The following RBFOX3 variants were observed in gnomAD, a reference collection of about 807,000 sequenced individuals.
The protein encoded by RBFOX3 is RNA binding fox-1 homolog 3, also known as RNA binding protein fox-1 homolog 3.
RBFOX3 carries 17 observed loss-of-function variants against 48.7 expected under a neutral mutation model. The ratio of observed to expected loss-of-function variants is 0.35; its 90% CI spans 0.24 to 0.52. RBFOX3 has a LOEUF of 0.52. RBFOX3 is among the 20% of genes least tolerant of loss of function. RBFOX3 has a pLI of 0.94. For missense variants in RBFOX3, 382 were observed against 497.5 expected, an observed-to-expected ratio of 0.77 and a Z score of 2.21; for synonymous variants, 212 against 209.5, an observed-to-expected ratio of 1.01 and a Z score of -0.10.
rs1471338607 is a variant in RBFOX3, at chr17:79,252,284, C to T, written c.-73-16479G>A. Among the ~76,000 whole-genome samples the T allele has an allele frequency of 1.1e-5, 1 of 92,128 alleles. No individual in the cohort carries two copies. Among genetic ancestry groups the T allele is most frequent in the African/African-American group, 2.7e-5 (1 of 36,872 alleles). The allele number at this position is 92,128 out of a possible 152,430, so 60.4% of individuals were successfully genotyped here. ...CACTCTAGCCGAGTTCCCTGTGGGT[C>T]CAACCTTTTGCTTCCCTTGATGTCT... On this transcript the variant is annotated intron_variant, in intron 3 of 14. Transcript: ENST00000693108. This position sits in a 1 kb window ranked among gnomAD's most constrained non-coding sequence, Gnocchi z 4.0.
chr17:79,435,175 A>T (rs1188805129), intron 2 of RBFOX3, among the ~76,000 whole-genome samples: 1 of 152,006 alleles, frequency 6.6e-6, no homozygotes, highest in Non-Finnish European at 1.5e-5. Flanking sequence ...GTGGACAGTG[A>T]GTTGTGCCCT....
intron 3 of RBFOX3, among the ~76,000 whole-genome samples, chr17:79,269,590 C>CG (rs2067309285): frequency 6.6e-6 from 1 of 151,454 alleles, no homozygotes; most frequent in African/African-American, 2.4e-5. Flanking sequence ...CCCTGGGGAT[C>CG]GTCCCATCCA....
intron 4 of RBFOX3, among the ~76,000 whole-genome samples, chr17:79,122,016 A>T (rs2035878955): frequency 6.6e-6 from 1 of 151,498 alleles, no homozygotes; most frequent in Non-Finnish European, 1.5e-5. Flanking sequence ...CCCCCATCAA[A>T]CCCATCTCTG....
Position 79,479,405 on chromosome 17 carries a change from C to G in RBFOX3, c.-175+3049G>C, listed in dbSNP as rs2078447531. Among the ~76,000 whole-genome samples the G allele has an allele frequency of 6.6e-6, 1 of 152,202 alleles. No homozygotes were observed. The highest frequency in any genetic ancestry group is 2.4e-5 in the African/African-American group (1 of 41,464). On this transcript the variant is annotated intron_variant, in intron 2 of 14. Coordinates refer to ENST00000693108, the MANE Select transcript of RBFOX3 (RefSeq NM_001350451.2). The surrounding 1 kb of genome is among the most constrained non-coding windows in gnomAD (Gnocchi z 5.1). ...GGTGAATAAAAGACAGGCAGAGATT[C>G]AAAGCCACACGCAGGCCTCAGACTG... is the stretch of plus-strand genomic sequence containing the variant.
In RBFOX3 at chr17:79,103,979, CGAAGCTCTCCAG is replaced by C; in HGVS notation, c.414+82_414+93del. Reference sequence around the variant, plus strand: ...CGTGTCGCTCAGGGGTCCTCGGGCGCGAAGCTCTCCAGGAAGGAAACGCACATTTCACACGTT... The same window carrying C: ...CGTGTCGCTCAGGGGTCCTCGGGCGCGAAGGAAACGCACATTTCACACGTT... On this transcript the variant is annotated intron_variant, in intron 7 of 14. Transcript: ENST00000693108. This position sits in a 1 kb window ranked among gnomAD's most constrained non-coding sequence, Gnocchi z 6.1. 2 of 1,146,236 alleles carry C rather than the reference CGAAGCTCTCCAG, an allele frequency of 1.7e-6. No individual in the cohort carries two copies. Among genetic ancestry groups the C allele is most frequent in the African/African-American group, 1.5e-5 (1 of 64,994 alleles). The allele number at this position is 1,146,236 out of a possible 1,614,324, so 71.0% of individuals were successfully genotyped here.
At chr17:79,496,399 G>A (rs1409033509) in intron 1 of RBFOX3, among the ~76,000 whole-genome samples, 1 of 152,056 alleles carries the variant, frequency 6.6e-6, no homozygotes, top group Non-Finnish European at 1.5e-5. Flanking sequence ...CCTCTCTCTA[G>A]GCCTAGCACA....
At chr17:79,239,125 A>G (rs2062005396) in intron 3 of RBFOX3, among the ~76,000 whole-genome samples, 1 of 152,116 alleles carries the variant, frequency 6.6e-6, no homozygotes, top group Non-Finnish European at 1.5e-5. Context: ...CATCCCTGGG[A>G]TGGTGCCTCG....
rs113639676 is a variant in RBFOX3, at chr17:79,255,694, C to T, written c.-73-19889G>A. ...GCCGGTGCTCAGCAGCAGCACTGGG[C>T]CTGGCCTCCCAGTCCAGCTGATCAC... is the stretch of plus-strand genomic sequence containing the variant. On this transcript the variant is annotated intron_variant, in intron 3 of 14. Transcript: ENST00000693108. Among the ~76,000 whole-genome samples, 384 of 152,152 alleles carry T rather than the reference C, an allele frequency of 2.5e-3. 1 individual carries two copies. Among genetic ancestry groups the T allele is most frequent in the African/African-American group, 9.0e-3 (374 of 41,514 alleles).
At chr17:79,591,264 C>T (rs1184291904) in intron 1 of RBFOX3, among the ~76,000 whole-genome samples, 2 of 152,176 alleles carry the variant, frequency 1.3e-5, no homozygotes, top group Non-Finnish European at 2.9e-5. Context: ...GGGGCCAAGG[C>T]TTCAGAAGTT....
chr17:79,353,158 G>A (rs72849650), intron 2 of RBFOX3, among the ~76,000 whole-genome samples: 2,860 of 152,290 alleles, frequency 0.019, 36 homozygotes, highest in Admixed American at 0.028. Context: ...GAACAACCTC[G>A]CCCTGAACAG....
At chr17:79,166,409 G>A (rs1449189015) in intron 4 of RBFOX3, among the ~76,000 whole-genome samples, 8 of 152,178 alleles carry the variant, frequency 5.3e-5, no homozygotes, top group African/African-American at 1.4e-4. Context: ...GGGAATGGCC[G>A]GAGGGGATGA....
At chr17:79,196,763 CAG>C (rs1248952899) in intron 4 of RBFOX3, among the ~76,000 whole-genome samples, 1 of 152,178 alleles carries the variant, frequency 6.6e-6, no homozygotes, top group African/African-American at 2.4e-5. Flanking sequence ...TCAGAAAGAG[CAG>C]AGAGTCTACA....
Position 79,535,895 on chromosome 17 carries a change from C to T in RBFOX3, c.-319-53297G>A, listed in dbSNP as rs1405121088. 6.6e-6 allele frequency among the ~76,000 whole-genome samples: 1 copy of T among 152,184 alleles called. No individual in the cohort carries two copies. Among genetic ancestry groups the T allele is most frequent in the African/African-American group, 2.4e-5 (1 of 41,448 alleles). On this transcript the variant is annotated intron_variant, in intron 1 of 14. Transcript: ENST00000693108. This position sits in a 1 kb window ranked among gnomAD's most constrained non-coding sequence, Gnocchi z 4.5. The stretch of plus-strand genomic sequence containing the variant: ...CCCACTCCTGGTTTCCCTGCACCTC[C>T]CCCAGCCACTGCACCCCTGCCCGTG...
rs536736514 is a variant in RBFOX3 at position 79,390,696 on chromosome 17, C to T, written c.-174-82872G>A. Reference sequence around the variant, plus strand: ...TTCGCCATGTTGGCCAGGCTGGTCTCGAACTCCTTATCTCAGACAATCTGC... The same window carrying T: ...TTCGCCATGTTGGCCAGGCTGGTCTTGAACTCCTTATCTCAGACAATCTGC... On this transcript the variant is annotated intron_variant, in intron 2 of 14. Coordinates refer to ENST00000693108, the MANE Select transcript of RBFOX3 (RefSeq NM_001350451.2). This position sits in a 1 kb window ranked among gnomAD's most constrained non-coding sequence, Gnocchi z 4.2. 2.0e-5 allele frequency among the ~76,000 whole-genome samples: 3 copies of T among 152,300 alleles called. No individual in the cohort carries two copies. Among genetic ancestry groups the T allele is most frequent in the East Asian group, 1.9e-4 (1 of 5,174 alleles).
chr17:79,156,671 C>T (rs531849151), intron 4 of RBFOX3, among the ~76,000 whole-genome samples: 24 of 152,240 alleles, frequency 1.6e-4, no homozygotes, highest in African/African-American at 5.8e-4. Flanking sequence ...TTGTCTCCGG[C>T]TGTGCTCGCC....
At chr17:79,165,092 G>T (rs923307722) in intron 4 of RBFOX3, among the ~76,000 whole-genome samples, 1 of 152,186 alleles carries the variant, frequency 6.6e-6, no homozygotes, top group African/African-American at 2.4e-5. Flanking sequence ...AGGGTGGGAG[G>T]GGGAGGCATG....
At chr17:79,488,901 G>C (rs2080062731) in intron 1 of RBFOX3, among the ~76,000 whole-genome samples, 2 of 152,232 alleles carry the variant, frequency 1.3e-5, no homozygotes, top group South Asian at 4.1e-4. Context: ...ATGGGCTTGT[G>C]AAAGAGCCAT....
At chr17:79,325,701 T>G (rs1598269521) in intron 2 of RBFOX3, among the ~76,000 whole-genome samples, 2 of 152,174 alleles carry the variant, frequency 1.3e-5, no homozygotes, top group South Asian at 4.1e-4. Flanking sequence ...GGCTCCTCCC[T>G]CTCTCCCTTT....
At chr17:79,425,421 A>G (rs1170000647) in intron 2 of RBFOX3, among the ~76,000 whole-genome samples, 2 of 152,152 alleles carry the variant, frequency 1.3e-5, no homozygotes, top group Non-Finnish European at 2.9e-5. Context: ...TGGGGCCCCA[A>G]CTGCCTGCAC....
Sources: allele counts gnomAD v4.1 joint callset (sites outside exome capture counted in the v4.1 genomes callset), GRCh38; gene constraint gnomAD v4.1.1; non-coding constraint Gnocchi (gnomAD v3.1); transcripts MANE v1.5; gene names NCBI Gene and HGNC (gene_info 2026-07-23, HGNC 2026-07-21).